Variants in HNRNPAB observed in about 807,000 individuals in gnomAD.
The protein encoded by HNRNPAB is ABBP-1.
HNRNPAB carries 17 observed loss-of-function variants against 44.1 expected under a neutral mutation model. That is an observed-to-expected ratio of 0.39 (90% confidence interval 0.26 to 0.58). HNRNPAB has a LOEUF of 0.58. HNRNPAB is among the 20% of genes least tolerant of loss of function. The pLI is 0.63. For synonymous variants in HNRNPAB, 183 were observed against 167.6 expected (o/e 1.09, Z -0.71); for missense variants, 393 against 432.7 (o/e 0.91, Z 0.81).
intron 2 of HNRNPAB, chr5:178,205,433 CCT>C (rs1757016249): frequency 1.3e-5 from 2 of 156,812 alleles, no homozygotes; most frequent in Admixed American, 1.3e-4. Context: ...CCCTCCTCCG[CCT>C]CTCCCGGGGG....
At chr5:178,206,911 A>AGCCCATCAGCT in intron 4 of HNRNPAB, 21 bp downstream of exon 4, 1 of 1,613,354 alleles carries the variant, frequency 6.2e-7, no homozygotes, top group Non-Finnish European at 8.5e-7. Context: ...CTCTGGGAAT[A>AGCCCATCAGCT]GCCCATCAGC....
intron 5 of HNRNPAB, among the ~76,000 whole-genome samples, chr5:178,207,647 CCTT>C (rs35401240): frequency 0.061 from 9,186 of 150,952 alleles, 399 homozygotes; most frequent in Non-Finnish European, 0.086. Context: ...CTTTCTACCT[CCTT>C]CTACAACCAA....
rs373842543 is a variant in HNRNPAB, at chr5:178,210,538, T to G, written c.929-15T>G. On this transcript the variant is annotated splice_polypyrimidine_tract_variant and intron_variant, in intron 7 of 7. Transcript: ENST00000358344. ...GCTTGTAAATAGTAGCTGCTATGGT[T>G]GTTCTCGTCCCTAGGTCAGGGTAGT... is the stretch of plus-strand genomic sequence containing the variant. 140 of 1,612,918 alleles carry G rather than the reference T, an allele frequency of 8.7e-5. No homozygotes were observed. The highest frequency in any genetic ancestry group is 1.3e-4 in the East Asian group (6 of 44,876).
chr5:178,210,489 T>C (rs373001311), intron 7 of HNRNPAB, 64 bp from the exon 8 acceptor site: 66 of 1,539,848 alleles, frequency 4.3e-5, no homozygotes, highest in Non-Finnish European at 5.2e-5. Flanking sequence ...AAGATGCATA[T>C]CAAGCGCGTG....
rs1278973334 is a variant in HNRNPAB at position 178,208,769 on chromosome 5, A to G, written c.670-561A>G. Reference sequence around the variant, plus strand: ...ATGCAGACATCTGGGTTATTCCAACAGACCAGTGGTTAGGAGGAGGGGGTG... The same window carrying G: ...ATGCAGACATCTGGGTTATTCCAACGGACCAGTGGTTAGGAGGAGGGGGTG... On this transcript the variant is annotated intron_variant, in intron 5 of 7. Transcript: ENST00000358344. 3 of 153,232 alleles carry G rather than the reference A, an allele frequency of 2.0e-5. 1 individual carries two copies. The highest frequency in any genetic ancestry group is 1.9e-4 in the Admixed American group (3 of 15,434). The allele number at this position is 153,232 out of a possible 1,614,324, so 9.5% of individuals were successfully genotyped here.
In HNRNPAB at chr5:178,204,612, A is replaced by C; in HGVS notation, c.-152A>C. ...CGGCGGCGGCCAAGGAGGAGGAGAC[A>C]CAGTTGGAGCAGCTCCGTGGGCTGA... On this transcript the variant is annotated 5_prime_UTR_variant, in exon 1 of 8. Coordinates refer to ENST00000358344, the MANE Select transcript of HNRNPAB (RefSeq NM_031266.3). The C allele has an allele frequency of 3.7e-6, 1 of 268,966 alleles. No homozygotes were observed. Among genetic ancestry groups the C allele is most frequent in the Non-Finnish European group, 6.9e-6 (1 of 144,298 alleles). The allele number at this position is 268,966 out of a possible 1,614,324, so 16.7% of individuals were successfully genotyped here.
chr5:178,210,793 T>G lies in HNRNPAB; in HGVS notation c.*170T>G, dbSNP rs908439025. 4 of 638,328 alleles carry G rather than the reference T, an allele frequency of 6.3e-6. No homozygotes were observed. The highest frequency in any genetic ancestry group is 2.4e-5 in the Admixed American group (1 of 42,112). 39.5% of individuals were successfully genotyped at this position (638,328 alleles called of 1,614,324 possible). ...CTCTCCTGTTGACTATTTCCAGAGC[T>G]CTAGGTGTTTAGGCAGCGTGTGGTG... On this transcript the variant is annotated 3_prime_UTR_variant, in exon 8 of 8. Transcript: ENST00000358344.
At chr5:178,206,284 G>A (rs746668877) in intron 3 of HNRNPAB, among the ~76,000 whole-genome samples, 1 of 152,210 alleles carries the variant, frequency 6.6e-6, no homozygotes, top group Non-Finnish European at 1.5e-5. Context: ...AAACATCTGG[G>A]AGGATTACAA....
chr5:178,210,334 T>C (rs1581183998), intron 7 of HNRNPAB, 62 bp downstream of exon 7: 7 of 1,606,360 alleles, frequency 4.4e-6, no homozygotes, highest in Non-Finnish European at 5.1e-6. Context: ...GGCAGGACAG[T>C]GTAGGAGCCA....
chr5:178,205,616 T>G (rs1415284275), intron 2 of HNRNPAB: 2 of 509,502 alleles, frequency 3.9e-6, no homozygotes, highest in African/African-American at 3.8e-5. Flanking sequence ...GGTGGTCCCT[T>G]CTTTGCTTCT....
chr5:178,206,111 A>AT, intron 3 of HNRNPAB, 101 bp downstream of exon 3: 1 of 1,218,786 alleles, frequency 8.2e-7, no homozygotes, highest in Non-Finnish European at 1.2e-6. Context: ...TCTGCATGTG[A>AT]TTTAAGTGCT....
Position 178,204,698 on chromosome 5 carries a change from G to A in HNRNPAB, c.-66G>A, listed in dbSNP as rs1455139903. ...GGCCGAGCCTGCGGCGCCTTCCCCT[G>A]CGGGTGGGGACGAGCGGGCCCCGCG... On this transcript the variant is annotated 5_prime_UTR_variant, in exon 1 of 8. Coordinates refer to ENST00000358344, the MANE Select transcript of HNRNPAB (RefSeq NM_031266.3). 2.5e-6 allele frequency: 1 copy of A among 399,044 alleles called. No individual in the cohort carries two copies. Among genetic ancestry groups the A allele is most frequent in the African/African-American group, 2.1e-5 (1 of 46,870 alleles). 24.7% of individuals were successfully genotyped at this position (399,044 alleles called of 1,614,324 possible). A position where few individuals can be genotyped will look rare whatever the true frequency, so the allele number is the denominator to read the frequency against.
chr5:178,210,049 C>T, intron 6 of HNRNPAB, 83 bp from the exon 7 acceptor site: 1 of 1,567,070 alleles, frequency 6.4e-7, no homozygotes, highest in Non-Finnish European at 8.6e-7. Flanking sequence ...AACCCTGCCA[C>T]CCCAAAGGGC....
Position 178,206,812 on chromosome 5 carries a change from G to A in HNRNPAB, c.459G>A (p.Val153=), listed in dbSNP as rs1131347. The stretch of plus-strand genomic sequence containing the variant: ...CCATGGCTATGAAGAAGGACCCGGT[G>A]AAGAAAATCTTCGTTGGGGGTCTGA... The part of the protein sequence containing the change: ...KKAMAMKKDP[V]KKIFVGGLNP... Residue 153 remains valine (V), a synonymous_variant, in exon 4 of 8, where the codon GTG becomes GTA. Coordinates refer to ENST00000358344, the MANE Select transcript of HNRNPAB (RefSeq NM_031266.3). The A allele has an allele frequency of 6.2e-7, 1 of 1,614,222 alleles. No homozygotes were observed. Among genetic ancestry groups the A allele is most frequent in the Non-Finnish European group, 8.5e-7 (1 of 1,180,040 alleles).
intron 2 of HNRNPAB, among the ~76,000 whole-genome samples, chr5:178,205,328 GA>G (rs1318278441): frequency 1.3e-5 from 2 of 151,710 alleles, no homozygotes; most frequent in Non-Finnish European, 2.9e-5. Context: ...GGATGGCCCG[GA>G]AGAGGGAAAG....
At position 178,204,610 on chromosome 5, in the gene HNRNPAB, A is replaced by G. The variant is rs1301235879; in HGVS notation, c.-154A>G. On this transcript the variant is annotated 5_prime_UTR_variant, in exon 1 of 8. Coordinates refer to ENST00000358344, the MANE Select transcript of HNRNPAB (RefSeq NM_031266.3). ...TGCGGCGGCGGCCAAGGAGGAGGAG[A>G]CACAGTTGGAGCAGCTCCGTGGGCT... 7.4e-6 allele frequency: 2 copies of G among 271,032 alleles called. No homozygotes were observed. Among genetic ancestry groups the G allele is most frequent in the Non-Finnish European group, 1.4e-5 (2 of 145,668 alleles). 16.8% of individuals were successfully genotyped at this position (271,032 alleles called of 1,614,324 possible).
chr5:178,209,473 G>A (rs1392610779), intron 6 of HNRNPAB, 26 bp downstream of exon 6: 1 of 1,592,816 alleles, frequency 6.3e-7, no homozygotes, highest in Non-Finnish European at 8.6e-7. Flanking sequence ...ATGAAGATAG[G>A]TCCTGTTTCC....
At chr5:178,206,493 C>T (rs1757064772) in intron 3 of HNRNPAB, among the ~76,000 whole-genome samples, 1 of 152,174 alleles carries the variant, frequency 6.6e-6, no homozygotes, top group African/African-American at 2.4e-5. Flanking sequence ...CACGCTGGGA[C>T]TGCTTGGGCA....
chr5:178,209,665 A>G (rs1757576244), intron 6 of HNRNPAB, among the ~76,000 whole-genome samples: 1 of 151,954 alleles, frequency 6.6e-6, no homozygotes, highest in Non-Finnish European at 1.5e-5. Context: ...CAGGGCAGAG[A>G]GAGCATTTGT....
Sources: gnomAD v4.1 joint callset for allele counts (sites outside exome capture counted in the v4.1 genomes callset) on GRCh38, gnomAD v4.1.1 for gene constraint, MANE v1.5 for transcripts, NCBI Gene and HGNC (gene_info 2026-07-23, HGNC 2026-07-21) for gene names.